The following FSTL4 variants were observed in gnomAD, a reference collection of about 807,000 sequenced individuals.
FSTL4 encodes follistatin-related protein 4.
FSTL4 carries 28 observed loss-of-function variants against 78.2 expected under a neutral mutation model. That is an observed-to-expected ratio of 0.36 (90% CI 0.27 to 0.49). FSTL4 has a LOEUF of 0.49. FSTL4 is among the 20% of genes least tolerant of loss of function. FSTL4 has a pLI of 0.98. For missense variants in FSTL4, 922 were observed against 1,084.9 expected, an observed-to-expected ratio of 0.85 and a Z score of 2.11; for synonymous variants, 422 against 440.5, an observed-to-expected ratio of 0.96 and a Z score of 0.53.
At chr5:133,533,894 G>T (rs969697945) in intron 3 of FSTL4, among the ~76,000 whole-genome samples, 1 of 151,906 alleles carries the variant, frequency 6.6e-6, no homozygotes, top group Non-Finnish European at 1.5e-5. Context: ...TGGCTCCCCC[G>T]AGTCCTTGCT....
At chr5:133,835,279 G>A in the FSTL4 span, among the ~76,000 whole-genome samples, 1 of 152,154 alleles carries the variant, frequency 6.6e-6, no homozygotes, top group South Asian at 2.1e-4. Flanking sequence ...CAAGGGTCCC[G>A]ATTCTGATAG....
intron 14 of FSTL4, chr5:133,202,384 T>G (rs1005644288): frequency 6.0e-6 from 1 of 166,454 alleles, no homozygotes; most frequent in African/African-American, 2.4e-5. Context: ...GGGAAGTAAG[T>G]CTCCAGAATG....
the FSTL4 span, among the ~76,000 whole-genome samples, chr5:133,776,158 G>C: frequency 9.8e-4 from 149 of 152,222 alleles, 5 homozygotes; most frequent in South Asian, 0.03. Flanking sequence ...CCTGCTCTGT[G>C]CTCTGGGTGG....
intron 6 of FSTL4, among the ~76,000 whole-genome samples, chr5:133,286,679 G>GACTT (rs1753137480): frequency 6.6e-6 from 1 of 152,180 alleles, no homozygotes; most frequent in Admixed American, 6.5e-5. Context: ...GCAGGCAGGG[G>GACTT]ACTTAGGGAG....
At chr5:133,210,617 C>G (rs541527147) in intron 13 of FSTL4, among the ~76,000 whole-genome samples, 1 of 151,984 alleles carries the variant, frequency 6.6e-6, no homozygotes, top group East Asian at 1.9e-4. Context: ...CTCAGCCTCC[C>G]GAGTAGCTGG....
intron 4 of FSTL4, among the ~76,000 whole-genome samples, chr5:133,330,582 A>G (rs1217228035): frequency 6.6e-6 from 1 of 152,186 alleles, no homozygotes; most frequent in Non-Finnish European, 1.5e-5. Context: ...CCCACCTCCA[A>G]CACTGGGGAT....
chr5:133,478,834 G>T (rs958153040), intron 3 of FSTL4, among the ~76,000 whole-genome samples: 1 of 152,090 alleles, frequency 6.6e-6, no homozygotes, highest in Non-Finnish European at 1.5e-5. Context: ...TGCCTTGTTA[G>T]GCAGGGGTGG....
chr5:133,788,297 C>T, the FSTL4 span, among the ~76,000 whole-genome samples: 4 of 152,242 alleles, frequency 2.6e-5, no homozygotes, highest in Admixed American at 6.5e-5. Flanking sequence ...GACCACTCTT[C>T]GCTTCGGTTT....
At chr5:133,735,292 G>A in the FSTL4 span, among the ~76,000 whole-genome samples, 4 of 152,120 alleles carry the variant, frequency 2.6e-5, no homozygotes, top group South Asian at 4.1e-4. Flanking sequence ...GAGAAACCCC[G>A]TCTCTAGTAA....
chr5:133,682,595 G>A, the FSTL4 span, among the ~76,000 whole-genome samples: 2 of 152,220 alleles, frequency 1.3e-5, no homozygotes, highest in Admixed American at 1.3e-4. Context: ...TGGAGACAGA[G>A]CTTCTGAGAA....
the FSTL4 span, among the ~76,000 whole-genome samples, chr5:133,770,804 G>T: frequency 6.6e-6 from 1 of 151,932 alleles, no homozygotes; most frequent in Non-Finnish European, 1.5e-5. Flanking sequence ...CTTTGCCTAG[G>T]CCAATGTCCA....
chr5:133,213,738 A>G (rs1296345689), intron 13 of FSTL4, among the ~76,000 whole-genome samples: 1 of 152,232 alleles, frequency 6.6e-6, no homozygotes, highest in Non-Finnish European at 1.5e-5. Context: ...CAAAAGTAAC[A>G]TAGTAGATAA....
the FSTL4 span, among the ~76,000 whole-genome samples, chr5:133,826,532 A>C: frequency 6.6e-6 from 1 of 151,754 alleles, no homozygotes; most frequent in Admixed American, 6.6e-5. Context: ...TGGCCGCATC[A>C]CTCCAACCTC....
At chr5:133,661,949 C>G in the FSTL4 span, among the ~76,000 whole-genome samples, 1 of 152,158 alleles carries the variant, frequency 6.6e-6, no homozygotes, top group African/African-American at 2.4e-5. Context: ...GGATTCCTAT[C>G]AGAGAAGCAT....
chr5:133,381,234 C>T (rs1041962646), intron 4 of FSTL4, among the ~76,000 whole-genome samples: 4 of 152,146 alleles, frequency 2.6e-5, no homozygotes, highest in Admixed American at 6.5e-5. Flanking sequence ...TGGAATATCT[C>T]CAAATGGGAA....
intron 11 of FSTL4, 121 bp downstream of exon 11, chr5:133,224,069 T>G: frequency 1.5e-6 from 1 of 672,822 alleles, no homozygotes; most frequent in Non-Finnish European, 2.6e-6. Flanking sequence ...TGACATTGAC[T>G]TCCTGCTCCC....
intron 6 of FSTL4, among the ~76,000 whole-genome samples, chr5:133,284,705 C>T (rs1010250633): frequency 6.6e-6 from 1 of 152,202 alleles, no homozygotes; most frequent in African/African-American, 2.4e-5. Context: ...TTTGGATGAA[C>T]CCCCACAGGC....
chr5:133,746,460 C>T, the FSTL4 span, among the ~76,000 whole-genome samples: 1 of 152,030 alleles, frequency 6.6e-6, no homozygotes, highest in African/African-American at 2.4e-5. Flanking sequence ...ATATCTGAAT[C>T]ATGTAAATCA....
chr5:133,299,587 G>T (rs1489725040), intron 6 of FSTL4, among the ~76,000 whole-genome samples: 2 of 152,152 alleles, frequency 1.3e-5, no homozygotes, highest in Non-Finnish European at 2.9e-5. Flanking sequence ...CTCAGCCCAG[G>T]CCTTTATTGT....
Sources: gnomAD v4.1 joint callset for allele counts (sites outside exome capture counted in the v4.1 genomes callset) on GRCh38, gnomAD v4.1.1 for gene constraint, MANE v1.5 for transcripts, NCBI Gene and HGNC (gene_info 2026-07-23, HGNC 2026-07-21) for gene names.